PPP2R3A: variants seen among roughly 807,000 people sequenced by gnomAD.
The protein encoded by PPP2R3A is serine/threonine-protein phosphatase 2A regulatory subunit B'' subunit alpha.
In PPP2R3A, 80 loss-of-function variants were observed where a neutral mutation model predicts 106.9. That is an observed-to-expected ratio of 0.75 (90% CI 0.62 to 0.90). The LOEUF (loss-of-function observed/expected upper bound fraction) is 0.90. Ranked by LOEUF, PPP2R3A falls within the 40% of genes least tolerant of loss-of-function variation. The probability of loss-of-function intolerance (pLI) is 0.00; values close to 1 mark genes in which losing one functional copy is unlikely to be tolerated. For synonymous variants in PPP2R3A, 483 were observed against 468.3 expected (o/e 1.03, Z -0.41); for missense variants, 1,386 against 1,350.4 (o/e 1.03, Z -0.41).
At chr3:136,013,807 G>GTTTGTTTACTCTGCTGC (rs60213766) in intron 2 of PPP2R3A, among the ~76,000 whole-genome samples, 1 of 151,598 alleles carries the variant, frequency 6.6e-6, no homozygotes, top group Non-Finnish European at 1.5e-5. Context: ...GCTGTGGTTT[G>GTTTGTTTACTCTGCTGC]TTATTTCTTT....
intron 1 of PPP2R3A, among the ~76,000 whole-genome samples, chr3:136,000,284 G>A (rs1465354280): frequency 1.3e-5 from 2 of 152,132 alleles, no homozygotes; most frequent in Non-Finnish European, 2.9e-5. Flanking sequence ...TATCCCTAGT[G>A]TATACAAAGA....
chr3:136,002,779 A>C lies in PPP2R3A; in HGVS notation c.1281A>C (p.Leu427Phe). The stretch of plus-strand genomic sequence containing the variant: ...AAGAGTCAGATGGAAAGAAAGCATT[A>C]GATAAAGGACAAAAGACAGAGAATG... ...IEEESDGKKA[L>F]DKGQKTENGP... Residue 427 changes from leucine to phenylalanine, a missense_variant, in exon 2 of 14, where the codon TTA (leucine) becomes TTC (phenylalanine). By Grantham distance (22) the Leu-to-Phe change is conservative. Coordinates refer to ENST00000264977, the MANE Select transcript of PPP2R3A (RefSeq NM_002718.5). The C allele has an allele frequency of 1.2e-6, 2 of 1,613,394 alleles. No individual in the cohort carries two copies. Among genetic ancestry groups the C allele is most frequent in the South Asian group, 2.2e-5 (2 of 90,920 alleles).
At chr3:136,093,962 A>G (rs889671190) in intron 10 of PPP2R3A, among the ~76,000 whole-genome samples, 4 of 152,240 alleles carry the variant, frequency 2.6e-5, no homozygotes, top group African/African-American at 9.6e-5. Context: ...GTCATTCACA[A>G]TAGCCAAAAG....
chr3:136,107,089 G>A (rs1937531313), intron 13 of PPP2R3A, among the ~76,000 whole-genome samples: 1 of 152,076 alleles, frequency 6.6e-6, no homozygotes. Context: ...ACCATGTTAA[G>A]AAATTTAATT....
intron 5 of PPP2R3A, among the ~76,000 whole-genome samples, chr3:136,068,937 T>A (rs571706359): frequency 6.6e-6 from 1 of 152,296 alleles, no homozygotes; most frequent in Non-Finnish European, 1.5e-5. Context: ...ATGTGTAACC[T>A]TAATCATGAC....
intron 1 of PPP2R3A, among the ~76,000 whole-genome samples, chr3:135,973,925 T>C (rs1487602624): frequency 6.6e-6 from 1 of 152,196 alleles, no homozygotes; most frequent in Non-Finnish European, 1.5e-5. Context: ...CTCCAGTTCC[T>C]TTTCCACCAG....
intron 9 of PPP2R3A, 67 bp downstream of exon 9, chr3:136,087,998 G>T: frequency 7.2e-7 from 1 of 1,384,896 alleles, no homozygotes. Flanking sequence ...TCTCATTTTA[G>T]CAAAGCTTCC....
chr3:136,029,690 T>G (rs909994087), intron 3 of PPP2R3A, among the ~76,000 whole-genome samples: 1 of 152,200 alleles, frequency 6.6e-6, no homozygotes, highest in Admixed American at 6.5e-5. Context: ...GGGACAGTCA[T>G]TTACGTAACA....
intron 1 of PPP2R3A, among the ~76,000 whole-genome samples, chr3:135,987,566 A>G (rs537635226): frequency 6.6e-6 from 1 of 152,284 alleles, no homozygotes; most frequent in African/African-American, 2.4e-5. Context: ...CATCCTTGAA[A>G]AGATAGTCTA....
chr3:136,004,774 G>T (rs1010372544), intron 2 of PPP2R3A, among the ~76,000 whole-genome samples: 2 of 152,122 alleles, frequency 1.3e-5, no homozygotes, highest in South Asian at 2.1e-4. Flanking sequence ...CGTACAGGGG[G>T]CCTGAATAGT....
At chr3:136,083,923 G>A (rs1418646274) in intron 8 of PPP2R3A, among the ~76,000 whole-genome samples, 2 of 152,222 alleles carry the variant, frequency 1.3e-5, no homozygotes, top group Non-Finnish European at 2.9e-5. Flanking sequence ...GTATGTGGTG[G>A]AAGAAATTCC....
chr3:136,114,329 C>T (rs1415577125), intron 13 of PPP2R3A, among the ~76,000 whole-genome samples: 1 of 152,188 alleles, frequency 6.6e-6, no homozygotes, highest in African/African-American at 2.4e-5. Flanking sequence ...AAGCACAAAA[C>T]TGGGCAGCCA....
chr3:135,999,842 C>T (rs896178782), intron 1 of PPP2R3A, among the ~76,000 whole-genome samples: 14 of 151,902 alleles, frequency 9.2e-5, no homozygotes, highest in African/African-American at 2.9e-4. Context: ...GGCGTGATCT[C>T]GGCTCACTGC....
At chr3:136,018,873 C>G (rs1934368742) in intron 2 of PPP2R3A, among the ~76,000 whole-genome samples, 1 of 152,190 alleles carries the variant, frequency 6.6e-6, no homozygotes, top group South Asian at 2.1e-4. Flanking sequence ...TTGAGAAAGA[C>G]TGTCTCCCTT....
chr3:136,019,178 G>A (rs184125908), intron 2 of PPP2R3A, among the ~76,000 whole-genome samples: 1 of 152,190 alleles, frequency 6.6e-6, no homozygotes, highest in African/African-American at 2.4e-5. Flanking sequence ...GTTCCTACTG[G>A]TGGTAATCAG....
chr3:136,087,285 C>CTT (rs1936971547), intron 8 of PPP2R3A, among the ~76,000 whole-genome samples: 1 of 149,924 alleles, frequency 6.7e-6, no homozygotes, highest in Non-Finnish European at 1.5e-5. Flanking sequence ...CTCTCTCTCT[C>CTT]TCTCTCTCTC....
chr3:136,042,175 G>A (rs914426816), intron 4 of PPP2R3A, among the ~76,000 whole-genome samples: 1 of 152,190 alleles, frequency 6.6e-6, no homozygotes, highest in African/African-American at 2.4e-5. Flanking sequence ...ATTAATAAAT[G>A]TATTCTTATT....
At chr3:136,122,415 A>G (rs1938031060) in intron 13 of PPP2R3A, among the ~76,000 whole-genome samples, 1 of 152,220 alleles carries the variant, frequency 6.6e-6, no homozygotes. Flanking sequence ...AAATTTGCAT[A>G]TAGTCAAGTC....
intron 3 of PPP2R3A, among the ~76,000 whole-genome samples, chr3:136,033,230 T>G (rs990835851): frequency 6.6e-6 from 1 of 152,234 alleles, no homozygotes; most frequent in Admixed American, 6.5e-5. Flanking sequence ...TGAAACCCAC[T>G]TAATCATGGT....
Sources: allele counts gnomAD v4.1 joint callset (sites outside exome capture counted in the v4.1 genomes callset), GRCh38; gene constraint gnomAD v4.1.1; transcripts MANE v1.5; gene names NCBI Gene and HGNC (gene_info 2026-07-23, HGNC 2026-07-21).